LRP5: variants seen among roughly 807,000 people sequenced by gnomAD.
LRP5 encodes the protein low-density lipoprotein receptor-related protein 5.
In LRP5, 62 loss-of-function variants were observed where a neutral mutation model predicts 154.1. The ratio of observed to expected loss-of-function variants is 0.40; its 90% CI spans 0.33 to 0.50. LRP5 has a LOEUF of 0.50. Ranked by LOEUF, LRP5 falls within the 20% of genes least tolerant of loss-of-function variation. LRP5 has a pLI of 0.55. For missense variants in LRP5, 1,915 were observed against 2,336.7 expected, an observed-to-expected ratio of 0.82 and a Z score of 3.72; for synonymous variants, 966 against 1,011.5, an observed-to-expected ratio of 0.96 and a Z score of 0.85.
chr11:68,425,382 T>TG, intron 15 of LRP5, 90 bp downstream of exon 15: 1 of 1,344,552 alleles, frequency 7.4e-7, no homozygotes, highest in East Asian at 2.5e-5. Flanking sequence ...AGACCTGCCG[T>TG]GAGCCCAGTG....
chr11:68,362,278 T>C (rs2098628517), intron 3 of LRP5, among the ~76,000 whole-genome samples: 1 of 152,184 alleles, frequency 6.6e-6, no homozygotes, highest in Non-Finnish European at 1.5e-5. Flanking sequence ...GGGGAGTGAC[T>C]GCTGCCGGGT....
Position 68,427,902 on chromosome 11 carries a change from T to C in LRP5, c.3638-1673T>C, listed in dbSNP as rs535278312. ...CGGGTGTTGGACACATTTGGTTAAC[T>C]GGATAGAATAACGCGAGTTCCCAGG... On this transcript the variant is annotated intron_variant, in intron 16 of 22. Coordinates refer to ENST00000294304, the MANE Select transcript of LRP5 (RefSeq NM_002335.4). Among the ~76,000 whole-genome samples, 255 of 152,260 alleles carry C rather than the reference T, an allele frequency of 1.7e-3. 3 individuals are homozygous for C. The highest frequency in any genetic ancestry group is 0.01 in the Middle Eastern group (3 of 292).
chr11:68,302,064 C>T, the LRP5 span, among the ~76,000 whole-genome samples: 116 of 151,706 alleles, frequency 7.6e-4, no homozygotes, highest in Non-Finnish European at 1.4e-3. Flanking sequence ...TGGTTTAAGA[C>T]TTGTGAGTGG....
chr11:68,378,309 G>A (rs1242897848), intron 5 of LRP5, among the ~76,000 whole-genome samples: 1 of 152,118 alleles, frequency 6.6e-6, no homozygotes, highest in Non-Finnish European at 1.5e-5. Flanking sequence ...GCTGGGCGAC[G>A]GTGTGCTGGC....
chr11:68,429,112 G>C (rs1454153918), intron 16 of LRP5, among the ~76,000 whole-genome samples: 1 of 147,656 alleles, frequency 6.8e-6, no homozygotes, highest in Non-Finnish European at 1.5e-5. Context: ...AAAAAGCCAG[G>C]CATGGTGGTG....
Position 68,434,384 on chromosome 11 carries a change from TCA to T in LRP5, c.4000+547_4000+548del, listed in dbSNP as rs1428278768. Among the ~76,000 whole-genome samples the T allele has an allele frequency of 8.0e-3, 1,207 of 150,482 alleles. 17 individuals carry two copies. Among genetic ancestry groups the T allele is most frequent in the African/African-American group, 0.028 (1,136 of 40,122 alleles). ...TTCATTCATTCATTCATTCATTCAT[TCA>T]TTCATTCATTCGAGACAGAGTCTTG... On this transcript the variant is annotated intron_variant, in intron 18 of 22. Transcript: ENST00000294304.
chr11:68,312,734 G>A lies in LRP5; in HGVS notation c.20G>A (p.Gly7Glu). Residue 7 changes from glycine to glutamate, a missense_variant, in exon 1 of 23, where the codon GGG (glycine) becomes GAG (glutamate). By Grantham distance (98) the Gly-to-Glu change is moderately conservative (BLOSUM62 -2). Transcript: ENST00000294304. ...GACAACATGGAGGCAGCGCCGCCCG[G>A]GCCGCCGTGGCCGCTGCTGCTGCTG... The part of the protein sequence containing the change: MEAAPP[G>E]PPWPLLLLLL... The A allele has an allele frequency of 9.5e-7, 1 of 1,055,476 alleles. No homozygotes were observed. The highest frequency in any genetic ancestry group is 1.1e-6 in the Non-Finnish European group (1 of 875,542). 65.4% of individuals were successfully genotyped at this position (1,055,476 alleles called of 1,614,324 possible).
Position 68,385,585 on chromosome 11 carries a change from C to T in LRP5, c.1016-731C>T, listed in dbSNP as rs528479628. Among the ~76,000 whole-genome samples the T allele has an allele frequency of 4.6e-5, 7 of 152,200 alleles. No homozygotes were observed. The East Asian group carries it at 5.8e-4, about 13-fold the overall frequency. The stretch of plus-strand genomic sequence containing the variant: ...CCCCGGAGGTGTTTCTCATCTCGCA[C>T]CTGTGTTGCCTGGTGTGTCAAGTGG... On this transcript the variant is annotated intron_variant, in intron 5 of 22. Coordinates refer to ENST00000294304, the MANE Select transcript of LRP5 (RefSeq NM_002335.4).
At chr11:68,446,611 C>A in intron 22 of LRP5, 78 bp downstream of exon 22, 1 of 1,249,754 alleles carries the variant, frequency 8.0e-7, no homozygotes, top group Non-Finnish European at 1.2e-6. Context: ...CCCCATGCCA[C>A]TGATGAGGGG....
chr11:68,414,144 A>C (rs995409307), intron 12 of LRP5, 132 bp downstream of exon 12: 38 of 859,962 alleles, frequency 4.4e-5, no homozygotes, highest in Non-Finnish European at 7.0e-5. Flanking sequence ...TGTGCACTGC[A>C]CAAGCTGCAT....
the LRP5 span, among the ~76,000 whole-genome samples, chr11:68,298,437 A>G: frequency 6.6e-6 from 1 of 152,224 alleles, no homozygotes; most frequent in African/African-American, 2.4e-5. Context: ...AGAATTACCA[A>G]CATGTAGGGA....
chr11:68,351,253 C>T (rs558104651), intron 2 of LRP5, among the ~76,000 whole-genome samples: 14 of 152,200 alleles, frequency 9.2e-5, no homozygotes, highest in African/African-American at 1.7e-4. Context: ...TGGAGCCCCT[C>T]GTATGCCCTC....
chr11:68,445,694 C>G, intron 21 of LRP5: 1 of 1,313,688 alleles, frequency 7.6e-7, no homozygotes. Flanking sequence ...AAGGTGCAGA[C>G]CTGTGTGGGT....
chr11:68,425,406 T>C (rs1283795110), intron 15 of LRP5, 114 bp downstream of exon 15: 1 of 1,113,900 alleles, frequency 9.0e-7, no homozygotes, highest in Non-Finnish European at 1.3e-6. Flanking sequence ...CGCCAGGGGC[T>C]TTGTGTGTAG....
chr11:68,305,526 T>C, the LRP5 span, among the ~76,000 whole-genome samples: 2 of 152,140 alleles, frequency 1.3e-5, no homozygotes, highest in African/African-American at 2.4e-5. Context: ...CACTACAACC[T>C]CCTCCTCCCG....
Position 68,423,087 on chromosome 11 carries a change from TC to T in LRP5, c.3028-399del. Among the ~76,000 whole-genome samples, 1 of 152,098 alleles carries T rather than the reference TC, an allele frequency of 6.6e-6. No individual in the cohort carries two copies. Among genetic ancestry groups the T allele is most frequent in the Non-Finnish European group, 1.5e-5 (1 of 68,008 alleles). ...TTGGGAAGGGCCCCATGGTCTTGGA[TC>T]CCTTCTCGACTGTCAATGGGGCCTT... On this transcript the variant is annotated intron_variant, in intron 13 of 22. Coordinates refer to ENST00000294304, the MANE Select transcript of LRP5 (RefSeq NM_002335.4). This position sits in a 1 kb window ranked among gnomAD's most constrained non-coding sequence, Gnocchi z 4.7.
At chr11:68,361,504 G>C (rs1203973948) in intron 3 of LRP5, among the ~76,000 whole-genome samples, 10 of 151,646 alleles carry the variant, frequency 6.6e-5, no homozygotes, top group African/African-American at 2.4e-4. Flanking sequence ...AGGCGTGGTG[G>C]CCGGTGACTA....
chr11:68,324,275 C>T (rs191863376), intron 1 of LRP5, among the ~76,000 whole-genome samples: 1 of 152,382 alleles, frequency 6.6e-6, no homozygotes, highest in Non-Finnish European at 1.5e-5. Flanking sequence ...GACAGCATAT[C>T]ACCCTGTGGG....
chr11:68,416,902 T>C (rs1001888510), intron 13 of LRP5, among the ~76,000 whole-genome samples: 10 of 152,224 alleles, frequency 6.6e-5, no homozygotes, highest in Non-Finnish European at 1.3e-4. Context: ...ATGCTGTATA[T>C]GCTCTTCTGA....
Sources: gnomAD v4.1 joint callset for allele counts (sites outside exome capture counted in the v4.1 genomes callset) on GRCh38, gnomAD v4.1.1 for gene constraint, Gnocchi (gnomAD v3.1) non-coding constraint, MANE v1.5 for transcripts, NCBI Gene and HGNC (gene_info 2026-07-23, HGNC 2026-07-21) for gene names.